The following NEDD1 variants were observed in gnomAD, a reference collection of about 807,000 sequenced individuals.
The protein encoded by NEDD1 is protein NEDD1.
Under a neutral mutation model 74.0 loss-of-function variants are expected in NEDD1, and 33 were observed. The ratio of observed to expected loss-of-function variants is 0.45; its 90% CI spans 0.34 to 0.60. The LOEUF (loss-of-function observed/expected upper bound fraction) is 0.60, where lower values mean the gene tolerates loss of function less well. NEDD1 is among the 20% of genes least tolerant of loss of function. The pLI is 0.01. For synonymous variants in NEDD1, 250 were observed against 264.4 expected (o/e 0.95, Z 0.53); for missense variants, 746 against 776.5 (o/e 0.96, Z 0.47).
At position 96,936,811 on chromosome 12, in the gene NEDD1, A is replaced by G; in HGVS notation, c.920A>G (p.Lys307Arg). ...IAFQYSTVLT[K>R]SSLNKGCSNK... ...TTTCAGTACTCCACTGTTCTTACTA[A>G]GGTGAGACATTTTCTTTTCAGCATT... Residue 307 changes from lysine (K) to arginine (R), a missense_variant and splice_region_variant, in exon 8 of 16, where the codon AAG (lysine) becomes AGG (arginine). Around this residue, in one of 3 missense-constraint regions of NEDD1, gnomAD observed 706 missense variants for 706.7 expected, o/e 1.00. Transcript: ENST00000266742. 1 of 1,576,660 alleles carries G rather than the reference A, an allele frequency of 6.3e-7. No homozygotes were observed. The highest frequency in any genetic ancestry group is 8.7e-7 in the Non-Finnish European group (1 of 1,150,488).
At position 96,937,369 on chromosome 12, in the gene NEDD1, A is replaced by G; in HGVS notation, c.1093A>G (p.Thr365Ala). Residue 365 changes from threonine to alanine, a missense_variant, in exon 9 of 16, where the codon ACA (threonine) becomes GCA (alanine). Transcript: ENST00000266742. The part of the protein sequence containing the change: ...QPMTSAMGKG[T>A]VAVQEKAGLP... ...TATGACATCAGCTATGGGGAAAGGA[A>G]CAGTTGCTGTTCAAGAAAAAGCAGG... 1 of 1,598,840 alleles carries G rather than the reference A, an allele frequency of 6.3e-7. No individual in the cohort carries two copies. Among genetic ancestry groups the G allele is most frequent in the Non-Finnish European group, 8.5e-7 (1 of 1,172,816 alleles).
At chr12:96,924,408 A>C (rs961645700) in intron 6 of NEDD1, among the ~76,000 whole-genome samples, 2 of 152,208 alleles carry the variant, frequency 1.3e-5, no homozygotes, top group Admixed American at 6.5e-5. Flanking sequence ...TTTAGGAACA[A>C]CTACTATCTT....
At chr12:96,927,755 C>T (rs1875871083) in intron 6 of NEDD1, among the ~76,000 whole-genome samples, 1 of 152,070 alleles carries the variant, frequency 6.6e-6, no homozygotes, top group Admixed American at 6.5e-5. Context: ...ATATTAATTA[C>T]ATTTTTAGAA....
chr12:96,950,193 C>T (rs867529078), intron 14 of NEDD1, among the ~76,000 whole-genome samples: 1 of 151,808 alleles, frequency 6.6e-6, no homozygotes, highest in Non-Finnish European at 1.5e-5. Flanking sequence ...TATTCAACTT[C>T]ACAATTAATC....
intron 9 of NEDD1, among the ~76,000 whole-genome samples, chr12:96,938,530 G>A (rs1034445057): frequency 6.6e-6 from 1 of 152,112 alleles, no homozygotes; most frequent in Middle Eastern, 3.4e-3. Flanking sequence ...GAAGGCTCTT[G>A]TTTAACAAAG....
rs368756184 is a variant in NEDD1 at position 96,943,626 on chromosome 12, C to T, written c.1361C>T (p.Thr454Ile). Residue 454 changes from threonine (T) to isoleucine (I), a missense_variant, in exon 12 of 16, where the codon ACT becomes ATT. Around this residue, in one of 3 missense-constraint regions of NEDD1, gnomAD observed 706 missense variants for 706.7 expected, o/e 1.00. Coordinates refer to ENST00000266742, the MANE Select transcript of NEDD1 (RefSeq NM_152905.4). Reference sequence around the variant, plus strand: ...AGAAAAAATCCAGTAACTTCAAGTACTTCAGTATTGCATTCTAGTCCTCTT... The same window carrying T: ...AGAAAAAATCCAGTAACTTCAAGTATTTCAGTATTGCATTCTAGTCCTCTT... ...PPRKNPVTSS[T>I]SVLHSSPLNV... 3.7e-6 allele frequency: 6 copies of T among 1,612,280 alleles called. No homozygotes were observed. The East Asian group carries it at 1.1e-4, about 30-fold the overall frequency.
At chr12:96,921,934 A>G (rs1463082748) in intron 6 of NEDD1, among the ~76,000 whole-genome samples, 1 of 152,160 alleles carries the variant, frequency 6.6e-6, no homozygotes, top group South Asian at 2.1e-4. Flanking sequence ...GATGTTTTAC[A>G]TGGAGGAAAT....
Position 96,934,518 on chromosome 12 carries a change from C to A in NEDD1, c.490-458C>A, listed in dbSNP as rs74618322. ...TTTCTTTTCTTTTTTTTTTTTAAGA[C>A]AGAGTTGGGTTTTTTTGTTTTGTTT... On this transcript the variant is annotated intron_variant, in intron 6 of 15. Coordinates refer to ENST00000266742, the MANE Select transcript of NEDD1 (RefSeq NM_152905.4). 2.4e-3 allele frequency among the ~76,000 whole-genome samples: 353 copies of A among 147,064 alleles called. 3 individuals are homozygous for A. Among genetic ancestry groups the A allele is most frequent in the African/African-American group, 8.7e-3 (345 of 39,572 alleles).
intron 2 of NEDD1, among the ~76,000 whole-genome samples, chr12:96,909,397 A>T (rs1413586230): frequency 1.3e-5 from 2 of 152,158 alleles, no homozygotes; most frequent in African/African-American, 4.8e-5. Flanking sequence ...CATCTTAGGC[A>T]CAGGGAGCAG....
chr12:96,919,218 A>G (rs1874796245), intron 5 of NEDD1, among the ~76,000 whole-genome samples: 1 of 152,068 alleles, frequency 6.6e-6, no homozygotes, highest in South Asian at 2.1e-4. Context: ...GTGTATTCCT[A>G]ATTGGATTTG....
At chr12:96,926,832 C>A (rs760420190) in intron 6 of NEDD1, among the ~76,000 whole-genome samples, 3 of 151,752 alleles carry the variant, frequency 2.0e-5, no homozygotes, top group Non-Finnish European at 4.4e-5. Flanking sequence ...ACAAAAAATA[C>A]AAAAATTAGC....
intron 4 of NEDD1, among the ~76,000 whole-genome samples, chr12:96,917,307 T>C (rs528560821): frequency 6.6e-6 from 1 of 152,320 alleles, no homozygotes; most frequent in African/African-American, 2.4e-5. Context: ...CAAGAGGAGA[T>C]AGGATGGGCA....
Position 96,930,195 on chromosome 12 carries a change from ACACACACACACACACACTCTCTCTCT to A in NEDD1, c.490-4779_490-4754del, listed in dbSNP as rs1339312260. ...CACACACACACACACACACACACAC[ACACACACACACACACACTCTCTCTCT>A]CTCTCTCTCTCTCTCTCTCTCTCAC... On this transcript the variant is annotated intron_variant, in intron 6 of 15. Transcript: ENST00000266742. 1.3e-4 allele frequency among the ~76,000 whole-genome samples: 10 copies of A among 74,766 alleles called. 1 individual carries two copies. Among genetic ancestry groups the A allele is most frequent in the African/African-American group, 4.9e-4 (9 of 18,432 alleles). The allele number at this position is 74,766 out of a possible 152,430, so 49.0% of individuals were successfully genotyped here.
intron 6 of NEDD1, among the ~76,000 whole-genome samples, chr12:96,921,433 G>C (rs776528409): frequency 1.3e-5 from 2 of 151,982 alleles, no homozygotes; most frequent in Non-Finnish European, 2.9e-5. Flanking sequence ...CACCTCCCTC[G>C]GCCTCCCAAA....
At chr12:96,947,776 G>A (rs534931850) in intron 14 of NEDD1, among the ~76,000 whole-genome samples, 6 of 152,116 alleles carry the variant, frequency 3.9e-5, no homozygotes, top group Non-Finnish European at 7.4e-5. Flanking sequence ...TGTGCCTCAG[G>A]AGAAGTGTGT....
chr12:96,922,358 A>G (rs1156759092), intron 6 of NEDD1, among the ~76,000 whole-genome samples: 2 of 152,204 alleles, frequency 1.3e-5, no homozygotes, highest in Non-Finnish European at 2.9e-5. Flanking sequence ...TGTGAAAAAA[A>G]TCATTAATGT....
intron 14 of NEDD1, among the ~76,000 whole-genome samples, chr12:96,948,699 T>A (rs1485675246): frequency 1.3e-5 from 2 of 152,202 alleles, no homozygotes; most frequent in East Asian, 3.8e-4. Context: ...ATCCCTTTGA[T>A]CCTTTGGTTA....
rs561893738 is a variant in NEDD1, at chr12:96,945,897, T to G, written c.1811+48T>G. On this transcript the variant is annotated intron_variant, in intron 14 of 15. Coordinates refer to ENST00000266742, the MANE Select transcript of NEDD1 (RefSeq NM_152905.4). Reference sequence around the variant, plus strand: ...TTCTATCTAGACCTTACTTGTTTTTTTTTTAGATGTAAAACCAGAACTATA... The same window carrying G: ...TTCTATCTAGACCTTACTTGTTTTTGTTTTAGATGTAAAACCAGAACTATA... 15 of 1,223,234 alleles carry G rather than the reference T, an allele frequency of 1.2e-5. 1 individual carries two copies. The South Asian group carries it at 2.0e-4, about 17-fold the overall frequency. 75.8% of individuals were successfully genotyped at this position (1,223,234 alleles called of 1,614,324 possible).
chr12:96,923,429 A>G (rs1875328163), intron 6 of NEDD1, among the ~76,000 whole-genome samples: 1 of 152,216 alleles, frequency 6.6e-6, no homozygotes, highest in Non-Finnish European at 1.5e-5. Flanking sequence ...TACTTTATGA[A>G]AAATTGCCAA....
Sources: allele counts gnomAD v4.1 joint callset (sites outside exome capture counted in the v4.1 genomes callset), GRCh38; gene constraint gnomAD v4.1.1; regional missense constraint gnomAD v4.1.1; transcripts MANE v1.5; gene names NCBI Gene and HGNC (gene_info 2026-07-23, HGNC 2026-07-21).